The following SYT16 variants were observed in gnomAD, a reference collection of about 807,000 sequenced individuals.
The protein encoded by SYT16 is synaptotagmin 16.
A neutral mutation model predicts 61.4 loss-of-function variants in SYT16; 42 were observed. The observed-to-expected ratio is 0.68, with a 90% CI of 0.53 to 0.89. SYT16 has a LOEUF of 0.89. Ranked by LOEUF, SYT16 falls within the 40% of genes least tolerant of loss-of-function variation. SYT16 has a pLI of 0.00. For missense variants in SYT16, 804 were observed against 807.3 expected (o/e 1.00, Z 0.05); for synonymous variants, 314 against 302.3 (o/e 1.04, Z -0.40).
chr14:61,907,210 G>C (rs2048757875), intron 1 of SYT16, among the ~76,000 whole-genome samples: 1 of 152,066 alleles, frequency 6.6e-6, no homozygotes, highest in Non-Finnish European at 1.5e-5. Flanking sequence ...TTAAATATTT[G>C]ATCATTTTAT....
At chr14:61,971,889 C>T (rs1477572458) in intron 2 of SYT16, among the ~76,000 whole-genome samples, 1 of 152,212 alleles carries the variant, frequency 6.6e-6, no homozygotes, top group Non-Finnish European at 1.5e-5. Context: ...ATGGTTTAGA[C>T]ACTATTGTCC....
intron 2 of SYT16, among the ~76,000 whole-genome samples, chr14:61,977,226 A>G (rs563157262): frequency 6.6e-5 from 10 of 152,274 alleles, no homozygotes; most frequent in African/African-American, 2.2e-4. Flanking sequence ...AACTGTTCCA[A>G]TCTTTGCCTG....
At chr14:61,887,596 A>G (rs2047959341) in intron 1 of SYT16, among the ~76,000 whole-genome samples, 1 of 152,254 alleles carries the variant, frequency 6.6e-6, no homozygotes, top group Admixed American at 6.5e-5. Context: ...TCTTCAGGAT[A>G]AATTGCTGCA....
chr14:61,896,065 G>T (rs1185903606), intron 1 of SYT16, among the ~76,000 whole-genome samples: 1 of 151,584 alleles, frequency 6.6e-6, no homozygotes, highest in African/African-American at 2.4e-5. Flanking sequence ...TCAACTGGTC[G>T]CTTTGGAGCC....
intron 1 of SYT16, among the ~76,000 whole-genome samples, chr14:61,826,584 T>G (rs984386863): frequency 2.6e-5 from 4 of 151,980 alleles, no homozygotes; most frequent in Non-Finnish European, 4.4e-5. Flanking sequence ...TTTATTATCA[T>G]GGACTTGTCC....
intron 1 of SYT16, among the ~76,000 whole-genome samples, chr14:61,961,023 C>T (rs2051097175): frequency 1.3e-5 from 2 of 152,280 alleles, no homozygotes; most frequent in Middle Eastern, 3.4e-3. Context: ...GAGGAAAAGA[C>T]TGCCTATTCA....
At chr14:61,833,931 A>C (rs931998122) in intron 1 of SYT16, among the ~76,000 whole-genome samples, 1 of 148,444 alleles carries the variant, frequency 6.7e-6, no homozygotes, top group African/African-American at 2.5e-5. Context: ...TCTAAGTCTG[A>C]AACTAAATTT....
intron 3 of SYT16, among the ~76,000 whole-genome samples, chr14:62,016,699 C>T (rs762136561): frequency 5.9e-5 from 9 of 151,960 alleles, no homozygotes; most frequent in Non-Finnish European, 1.2e-4. Flanking sequence ...GGTGACAGAA[C>T]TAGACTCTGT....
At chr14:62,095,894 A>T (rs2057258529) in intron 7 of SYT16, among the ~76,000 whole-genome samples, 1 of 152,084 alleles carries the variant, frequency 6.6e-6, no homozygotes, top group Non-Finnish European at 1.5e-5. Flanking sequence ...CCTAGCAGAT[A>T]TCAAGACATG....
chr14:61,865,718 CTTA>C (rs1269475881), intron 1 of SYT16, among the ~76,000 whole-genome samples: 5 of 152,082 alleles, frequency 3.3e-5, no homozygotes, highest in African/African-American at 1.2e-4. Context: ...TATTGGGTGA[CTTA>C]TTAATGGATT....
chr14:62,058,373 C>G (rs1283067491), intron 3 of SYT16, among the ~76,000 whole-genome samples: 1 of 128,202 alleles, frequency 7.8e-6, no homozygotes, highest in Non-Finnish European at 1.6e-5. Context: ...GAGAAGGAGT[C>G]TCGCTCTGTC....
At chr14:61,896,923 T>C (rs1223982145) in intron 1 of SYT16, among the ~76,000 whole-genome samples, 1 of 152,242 alleles carries the variant, frequency 6.6e-6, no homozygotes, top group East Asian at 1.9e-4. Flanking sequence ...AGTTGCTTGT[T>C]AGAACTGAGA....
chr14:61,912,861 A>C (rs2048985709), intron 1 of SYT16, among the ~76,000 whole-genome samples: 2 of 152,222 alleles, frequency 1.3e-5, no homozygotes, highest in South Asian at 4.1e-4. Flanking sequence ...AAACAGAATG[A>C]ACTAAAGCTG....
intron 1 of SYT16, among the ~76,000 whole-genome samples, chr14:61,824,197 ATTTTAT>A (rs2045702134): frequency 6.6e-6 from 1 of 152,064 alleles, no homozygotes. Flanking sequence ...TCCGTCACTC[ATTTTAT>A]TCATATCTCC....
chr14:61,882,732 A>G (rs561675416), intron 1 of SYT16, among the ~76,000 whole-genome samples: 1 of 152,240 alleles, frequency 6.6e-6, no homozygotes, highest in Non-Finnish European at 1.5e-5. Flanking sequence ...AGACAAGGCA[A>G]GTCCCTTCTG....
At chr14:61,959,035 A>G (rs928505062) in intron 1 of SYT16, among the ~76,000 whole-genome samples, 2 of 151,970 alleles carry the variant, frequency 1.3e-5, no homozygotes, top group African/African-American at 4.8e-5. Flanking sequence ...TTTTTGTCTT[A>G]GTGTCCATTT....
intron 1 of SYT16, chr14:61,864,873 C>T (rs1402430573): frequency 7.5e-6 from 9 of 1,196,344 alleles, no homozygotes; most frequent in Admixed American, 7.3e-5. Flanking sequence ...CCACCCCCGG[C>T]GGAGACAGTG....
In SYT16 at chr14:61,996,254, G is replaced by C. The variant is rs2052763392; in HGVS notation, c.235G>C (p.Glu79Gln). ...DEEQDNDWSQ[E>Q]DANSLFLEVD... is the part of the protein sequence containing the mutation. ...AGAACAAGACAATGATTGGAGTCAA[G>C]AGGATGCAAATTCCTTGTTTCTTGA... The change falls in exon 3 of 8, where the codon GAG becomes CAG. Residue 79 changes from glutamate (E) to glutamine (Q), a missense_variant. Transcript: ENST00000683842. 6.2e-7 allele frequency: 1 copy of C among 1,613,500 alleles called. No individual in the cohort carries two copies. Among genetic ancestry groups the C allele is most frequent in the African/African-American group, 1.3e-5 (1 of 74,886 alleles).
At chr14:61,812,575 C>T (rs1384569672), upstream of SYT16, 1 of 150,340 alleles carries the variant, frequency 6.7e-6, no homozygotes, top group Non-Finnish European at 1.5e-5. Context: ...CCGTTCTGCC[C>T]GGGAGGCTGG....
Sources: gnomAD v4.1 joint callset for allele counts (sites outside exome capture counted in the v4.1 genomes callset) on GRCh38, gnomAD v4.1.1 for gene constraint, MANE v1.5 for transcripts, NCBI Gene and HGNC (gene_info 2026-07-23, HGNC 2026-07-21) for gene names.